Variants in LTBP1 observed in about 807,000 individuals in gnomAD.
LTBP1 encodes latent-transforming growth factor beta-binding protein 1.
Under a neutral mutation model 207.6 loss-of-function variants are expected in LTBP1, and 129 were observed. The observed-to-expected ratio is 0.62, with a 90% CI of 0.54 to 0.72. The LOEUF is 0.72. LTBP1 is among the 30% of genes least tolerant of loss of function. LTBP1 has a pLI of 0.00. For synonymous variants in LTBP1, 963 were observed against 833.7 expected (o/e 1.16, Z -2.67); for missense variants, 2,281 against 2,217.2 (o/e 1.03, Z -0.58).
At chr2:33,211,585 C>T (rs538318306) in intron 7 of LTBP1, among the ~76,000 whole-genome samples, 9 of 152,192 alleles carry the variant, frequency 5.9e-5, no homozygotes, top group Non-Finnish European at 1.0e-4. Context: ...TGACTCCAGT[C>T]CAGCACTCTT....
chr2:33,156,400 C>T (rs56073581), intron 5 of LTBP1, among the ~76,000 whole-genome samples: 32,720 of 152,066 alleles, frequency 0.22, 4,186 homozygotes, highest in Non-Finnish European at 0.3. Flanking sequence ...TGGACAGATC[C>T]GCAGAGTACT....
At chr2:33,371,946 G>A (rs531587048) in intron 31 of LTBP1, among the ~76,000 whole-genome samples, 1 of 152,336 alleles carries the variant, frequency 6.6e-6, no homozygotes, top group South Asian at 2.1e-4. Flanking sequence ...TGTCCATGGT[G>A]TCCATACTGT....
intron 3 of LTBP1, among the ~76,000 whole-genome samples, chr2:33,100,082 C>A (rs1291113518): frequency 6.6e-6 from 1 of 152,122 alleles, no homozygotes; most frequent in Admixed American, 6.5e-5. Context: ...CAGGAGAGTT[C>A]TCCCAGGTAA....
At chr2:33,080,244 T>A (rs1158711319) in intron 3 of LTBP1, among the ~76,000 whole-genome samples, 3 of 152,146 alleles carry the variant, frequency 2.0e-5, no homozygotes, top group African/African-American at 7.2e-5. Context: ...GCCAGGCTGG[T>A]CTCAAACTCC....
chr2:33,268,859 T>G (rs984371185), intron 15 of LTBP1, among the ~76,000 whole-genome samples: 1 of 152,174 alleles, frequency 6.6e-6, no homozygotes, highest in Non-Finnish European at 1.5e-5. Context: ...TGCAGACTGG[T>G]CAGAAATTAT....
At chr2:33,339,637 T>TA (rs2094592740) in intron 24 of LTBP1, among the ~76,000 whole-genome samples, 3 of 152,060 alleles carry the variant, frequency 2.0e-5, no homozygotes, top group Non-Finnish European at 4.4e-5. Context: ...TGGAAATAAT[T>TA]TCATTGATTT....
intron 2 of LTBP1, among the ~76,000 whole-genome samples, chr2:32,993,069 C>T (rs1684667471): frequency 1.3e-5 from 2 of 152,008 alleles, no homozygotes; most frequent in Non-Finnish European, 2.9e-5. Context: ...ATGGAGAGAG[C>T]CCACAGCAGC....
chr2:33,239,850 C>T (rs1183414584), intron 9 of LTBP1, among the ~76,000 whole-genome samples: 1 of 151,610 alleles, frequency 6.6e-6, no homozygotes, highest in African/African-American at 2.4e-5. Flanking sequence ...GTTGCAGCGA[C>T]CTGAGATTGT....
chr2:32,975,008 C>G (rs1681489612), intron 2 of LTBP1, among the ~76,000 whole-genome samples: 1 of 152,040 alleles, frequency 6.6e-6, no homozygotes, highest in Non-Finnish European at 1.5e-5. Context: ...TTGTTGTGAC[C>G]AGTAATGGTT....
chr2:33,229,806 TG>T, intron 9 of LTBP1, among the ~76,000 whole-genome samples: 2 of 152,340 alleles, frequency 1.3e-5, no homozygotes, highest in South Asian at 4.1e-4. Flanking sequence ...CACCAAATCC[TG>T]GCTTAGGTCT....
At chr2:33,271,724 G>A (rs573759324) in intron 15 of LTBP1, among the ~76,000 whole-genome samples, 1 of 152,126 alleles carries the variant, frequency 6.6e-6, no homozygotes, top group Non-Finnish European at 1.5e-5. Flanking sequence ...CTTCTTTTCT[G>A]TGTGTATTGT....
intron 4 of LTBP1, among the ~76,000 whole-genome samples, chr2:33,122,046 C>T (rs956483189): frequency 6.6e-6 from 1 of 151,684 alleles, no homozygotes; most frequent in Non-Finnish European, 1.5e-5. Flanking sequence ...TCCACACACA[C>T]ATCTTGTCAT....
intron 22 of LTBP1, among the ~76,000 whole-genome samples, chr2:33,302,998 C>T (rs2094017026): frequency 6.6e-6 from 1 of 151,760 alleles, no homozygotes; most frequent in Non-Finnish European, 1.5e-5. Context: ...CACACACAAA[C>T]ACACGCACAC....
In LTBP1 at chr2:33,098,709, G is replaced by A. The variant is rs561167216; in HGVS notation, c.864-11873G>A. On this transcript the variant is annotated intron_variant, in intron 3 of 33. Coordinates refer to ENST00000404816, the MANE Select transcript of LTBP1 (RefSeq NM_206943.4). Reference sequence around the variant, plus strand: ...CCACCTTGGCCTTCCAAAGTGCTGAGATTACAGGTGTGAGCCACCGCGCCT... The same window carrying A: ...CCACCTTGGCCTTCCAAAGTGCTGAAATTACAGGTGTGAGCCACCGCGCCT... Among the ~76,000 whole-genome samples, 3 of 152,238 alleles carry A rather than the reference G, an allele frequency of 2.0e-5. No homozygotes were observed. The South Asian group carries it at 6.2e-4, about 32-fold the overall frequency.
rs551310485 is a variant in LTBP1 at position 33,318,507 on chromosome 2, A to T, written c.3730+3238A>T. On this transcript the variant is annotated intron_variant, in intron 24 of 33. Transcript: ENST00000404816. ...TGTGTAGGATACATTAAGTGTTTAT[A>T]ACACAGCATAGTTACCCTTTCTGGA... Among the ~76,000 whole-genome samples the T allele has an allele frequency of 3.3e-5, 5 of 152,336 alleles. No homozygotes were observed. In the East Asian group the frequency reaches 9.6e-4, roughly 29 times the overall value.
chr2:32,956,246 G>T (rs1445016479), intron 2 of LTBP1, among the ~76,000 whole-genome samples: 1 of 152,046 alleles, frequency 6.6e-6, no homozygotes, highest in African/African-American at 2.4e-5. Context: ...TCTTCCTTTC[G>T]TGAAAGCTTT....
intron 2 of LTBP1, among the ~76,000 whole-genome samples, chr2:32,996,853 A>C (rs756611148): frequency 4.6e-5 from 7 of 152,054 alleles, no homozygotes; most frequent in Non-Finnish European, 1.0e-4. Flanking sequence ...TGCCTCCCGC[A>C]CTGCCCAGGG....
chr2:32,985,628 A>T (rs1345112618), intron 2 of LTBP1, among the ~76,000 whole-genome samples: 1 of 152,116 alleles, frequency 6.6e-6, no homozygotes, highest in Non-Finnish European at 1.5e-5. Flanking sequence ...TTACAAACTC[A>T]CCTAATTGAT....
intron 31 of LTBP1, among the ~76,000 whole-genome samples, chr2:33,371,614 A>T (rs533660640): frequency 3.3e-5 from 5 of 152,308 alleles, no homozygotes; most frequent in African/African-American, 1.2e-4. Context: ...TATGGAGTTT[A>T]TTGGATATAG....
Sources: allele counts gnomAD v4.1 joint callset (sites outside exome capture counted in the v4.1 genomes callset), GRCh38; gene constraint gnomAD v4.1.1; transcripts MANE v1.5; gene names NCBI Gene and HGNC (gene_info 2026-07-23, HGNC 2026-07-21).